PTPRD: variants seen among roughly 807,000 people sequenced by gnomAD.
PTPRD encodes the protein protein tyrosine phosphatase receptor type D.
Under a neutral mutation model 214.5 loss-of-function variants are expected in PTPRD, and 34 were observed. The ratio of observed to expected loss-of-function variants is 0.16; its 90% CI spans 0.12 to 0.21. PTPRD has a LOEUF of 0.21. PTPRD is among the 10% of genes least tolerant of loss of function. The pLI is 1.00. For synonymous variants in PTPRD, 1,128 were observed against 845.7 expected, an observed-to-expected ratio of 1.33 and a Z score of -5.79; for missense variants, 2,545 against 2,398.7, an observed-to-expected ratio of 1.06 and a Z score of -1.27.
At chr9:8,817,026 T>G (rs2096933890) in intron 11 of PTPRD, among the ~76,000 whole-genome samples, 1 of 152,204 alleles carries the variant, frequency 6.6e-6, no homozygotes, top group Admixed American at 6.5e-5. Context: ...GTAGAATAAG[T>G]GAATCAACAA....
At chr9:8,326,685 C>T (rs1433695512) in intron 44 of PTPRD, among the ~76,000 whole-genome samples, 2 of 150,788 alleles carry the variant, frequency 1.3e-5, no homozygotes, top group South Asian at 2.1e-4. Flanking sequence ...TTCGTCTGGT[C>T]CTGGACTTTT....
rs143731540 is a variant in PTPRD, at chr9:8,412,808, T to C, written c.4087-8148A>G. ...CTACTTACTATATAACATGCCCATC[T>C]ATGTAATTTGCAAACTGATTTACTT... On this transcript the variant is annotated intron_variant, in intron 35 of 45. Coordinates refer to ENST00000381196, the MANE Select transcript of PTPRD (RefSeq NM_002839.4). 3.6e-3 allele frequency among the ~76,000 whole-genome samples: 553 copies of C among 152,326 alleles called. 2 individuals are homozygous for C. Among genetic ancestry groups the C allele is most frequent in the African/African-American group, 0.013 (530 of 41,586 alleles).
At chr9:10,184,846 G>A (rs1183792126) in intron 3 of PTPRD, among the ~76,000 whole-genome samples, 3 of 152,184 alleles carry the variant, frequency 2.0e-5, no homozygotes, top group African/African-American at 7.2e-5. Flanking sequence ...GTTTGACATA[G>A]AGAAAACTCT....
chr9:8,660,860 G>T (rs888725687), intron 12 of PTPRD, among the ~76,000 whole-genome samples: 1 of 152,024 alleles, frequency 6.6e-6, no homozygotes, highest in African/African-American at 2.4e-5. Flanking sequence ...CCTGACAGTT[G>T]TCCTGGATAG....
chr9:9,609,047 T>A (rs1398658798), intron 7 of PTPRD, among the ~76,000 whole-genome samples: 1 of 152,180 alleles, frequency 6.6e-6, no homozygotes, highest in Non-Finnish European at 1.5e-5. Context: ...GAATTTTCTT[T>A]AAAAAATGAA....
chr9:8,326,059 A>T lies in PTPRD; in HGVS notation c.5534+5523T>A, dbSNP rs1030777837. On this transcript the variant is annotated intron_variant, in intron 44 of 45. Coordinates refer to ENST00000381196, the MANE Select transcript of PTPRD (RefSeq NM_002839.4). ...CACTTTTTCTAATTGAATAACATTT[A>T]TTTCTTTCTGTTGCCTGACTGCCTT... Among the ~76,000 whole-genome samples, 5 of 152,258 alleles carry T rather than the reference A, an allele frequency of 3.3e-5. No individual in the cohort carries two copies. The East Asian group carries it at 9.7e-4, about 29-fold the overall frequency.
intron 2 of PTPRD, among the ~76,000 whole-genome samples, chr9:10,575,354 TA>T (rs917591837): frequency 2.3e-4 from 35 of 152,098 alleles, no homozygotes; most frequent in African/African-American, 8.2e-4. Flanking sequence ...AAAAAGAACA[TA>T]AAAAAGTTCT....
At position 8,579,730 on chromosome 9, in the gene PTPRD, G is replaced by A. The variant is rs181442492; in HGVS notation, c.353-50951C>T. On this transcript the variant is annotated intron_variant, in intron 14 of 45. Transcript: ENST00000381196. ...TTCATAGAGTAAGGTTGCAGTGGAT[G>A]GGAAAGATTTATCAGGTGTTGTAAA... 2.8e-3 allele frequency among the ~76,000 whole-genome samples: 430 copies of A among 152,286 alleles called. 3 individuals carry two copies. The highest frequency in any genetic ancestry group is 4.3e-3 in the Non-Finnish European group (293 of 68,020).
chr9:10,405,311 G>T (rs767393923), intron 2 of PTPRD, among the ~76,000 whole-genome samples: 7 of 151,548 alleles, frequency 4.6e-5, no homozygotes, highest in African/African-American at 1.7e-4. Flanking sequence ...TAAGTTTTTC[G>T]TTTAAAATAA....
At chr9:10,220,682 C>T (rs1275446052) in intron 3 of PTPRD, among the ~76,000 whole-genome samples, 2 of 151,638 alleles carry the variant, frequency 1.3e-5, no homozygotes, top group African/African-American at 4.8e-5. Flanking sequence ...AAGAATGGTG[C>T]ATTGTAAAAA....
At chr9:9,567,816 G>T (rs746657798) in intron 8 of PTPRD, among the ~76,000 whole-genome samples, 1 of 152,062 alleles carries the variant, frequency 6.6e-6, no homozygotes, top group Middle Eastern at 3.4e-3. Context: ...AATAGTAAAT[G>T]ATCCTTATAG....
At chr9:10,124,337 C>G (rs2098799194) in intron 3 of PTPRD, among the ~76,000 whole-genome samples, 1 of 152,108 alleles carries the variant, frequency 6.6e-6, no homozygotes, top group Non-Finnish European at 1.5e-5. Context: ...CACATTAATA[C>G]TTTGTGCCAC....
At chr9:10,545,610 A>C (rs111340705) in intron 2 of PTPRD, among the ~76,000 whole-genome samples, 72 of 152,306 alleles carry the variant, frequency 4.7e-4, no homozygotes, top group African/African-American at 1.7e-3. Flanking sequence ...AACTACTCAA[A>C]AATAAGTTAT....
intron 4 of PTPRD, among the ~76,000 whole-genome samples, chr9:10,006,052 G>A (rs2096466633): frequency 6.6e-6 from 1 of 151,888 alleles, no homozygotes; most frequent in African/African-American, 2.4e-5. Flanking sequence ...ATATATGATG[G>A]TATTATACAA....
At chr9:9,780,287 GA>G (rs1284093811) in intron 5 of PTPRD, among the ~76,000 whole-genome samples, 2 of 152,096 alleles carry the variant, frequency 1.3e-5, no homozygotes, top group Non-Finnish European at 2.9e-5. Flanking sequence ...AGCATGATTT[GA>G]AAAACTACCA....
intron 7 of PTPRD, among the ~76,000 whole-genome samples, chr9:9,596,313 G>C (rs993558746): frequency 6.6e-6 from 1 of 151,832 alleles, no homozygotes; most frequent in Non-Finnish European, 1.5e-5. Flanking sequence ...TTCTTTATGT[G>C]TATTAAACAT....
intron 3 of PTPRD, among the ~76,000 whole-genome samples, chr9:10,316,573 G>T (rs973851639): frequency 1.2e-4 from 18 of 151,868 alleles, no homozygotes; most frequent in Non-Finnish European, 2.2e-4. Flanking sequence ...ATTTCATTTG[G>T]TCTTTTTCCA....
At chr9:8,721,810 G>C (rs184382344) in intron 12 of PTPRD, among the ~76,000 whole-genome samples, 3 of 152,176 alleles carry the variant, frequency 2.0e-5, no homozygotes, top group African/African-American at 7.2e-5. Context: ...CTGATTTCAA[G>C]AGCTTGTGAA....
chr9:9,286,654 C>T (rs767998494), intron 9 of PTPRD, among the ~76,000 whole-genome samples: 46 of 151,058 alleles, frequency 3.0e-4, no homozygotes, highest in Non-Finnish European at 5.9e-4. Flanking sequence ...CTAGTTAGTT[C>T]TTCCCTTTTT....
Sources: allele counts gnomAD v4.1 joint callset (sites outside exome capture counted in the v4.1 genomes callset), GRCh38; gene constraint gnomAD v4.1.1; transcripts MANE v1.5; gene names NCBI Gene and HGNC (gene_info 2026-07-23, HGNC 2026-07-21).